SSPN: variants seen among roughly 807,000 people sequenced by gnomAD.
SSPN encodes the protein K-ras oncogene-associated protein.
SSPN carries 15 observed loss-of-function variants against 19.1 expected under a neutral mutation model. The ratio of observed to expected loss-of-function variants is 0.78; its 90% CI spans 0.52 to 1.21. SSPN has a LOEUF of 1.21. SSPN is among the 50% of genes most tolerant of loss of function. The probability of loss-of-function intolerance (pLI) is 0.00; values close to 1 mark genes in which losing one functional copy is unlikely to be tolerated. For missense variants in SSPN, 291 were observed against 314.0 expected (o/e 0.93, Z 0.55); for synonymous variants, 147 against 140.3 (o/e 1.05, Z -0.34).
At chr12:26,155,797 T>C (rs1375068291) in intron 1 of SSPN, among the ~76,000 whole-genome samples, 7 of 152,180 alleles carry the variant, frequency 4.6e-5, no homozygotes, top group African/African-American at 7.2e-5. Flanking sequence ...CCAGGTACCA[T>C]TGCATTGTTA....
At chr12:26,222,334 G>A (rs1945130495) in intron 1 of SSPN, among the ~76,000 whole-genome samples, 1 of 152,200 alleles carries the variant, frequency 6.6e-6, no homozygotes, top group Non-Finnish European at 1.5e-5. Context: ...GTGGATGAGG[G>A]CATAGGCAGC....
rs1411027081 is a variant in SSPN at position 26,124,389 on chromosome 12, CCACTTAAAATT to C, written c.-31+2241_-31+2251del. 3 of 1,045,304 alleles carry C rather than the reference CCACTTAAAATT, an allele frequency of 2.9e-6. No individual in the cohort carries two copies. The African/African-American group carries it at 4.8e-5, about 17-fold the overall frequency. The allele number at this position is 1,045,304 out of a possible 1,614,324, so 64.8% of individuals were successfully genotyped here. ...TATCCCCCTGAGAGTACCCAGCAAG[CCACTTAAAATT>C]CACAGTTGGGGAAGCTCAGGGGCTG... On this transcript the variant is annotated intron_variant, in intron 1 of 2. Transcript: ENST00000538142.
At chr12:26,210,573 T>A (rs1944974948) in intron 1 of SSPN, among the ~76,000 whole-genome samples, 1 of 152,040 alleles carries the variant, frequency 6.6e-6, no homozygotes, top group Non-Finnish European at 1.5e-5. Flanking sequence ...AATAGCCAGG[T>A]TTTGGTTTAT....
chr12:26,195,752 T>C lies in SSPN; in HGVS notation c.80T>C (p.Met27Thr), dbSNP rs771249947. 2.1e-5 allele frequency: 31 copies of C among 1,477,726 alleles called. 1 individual carries two copies. In the South Asian group the frequency reaches 3.8e-4, roughly 18 times the overall value. 91.5% of individuals were successfully genotyped at this position (1,477,726 alleles called of 1,614,324 possible). Reference protein sequence around the residue: ...PAADAAGPDDMEPKKGTGAPK... With the variant: ...PAADAAGPDDTEPKKGTGAPK... ...GCGGACGCCGCTGGGCCCGACGACATGGAGCCGAAGAAGGGCACGGGGGCC... is the reference window on the plus strand; with the variant it reads ...GCGGACGCCGCTGGGCCCGACGACACGGAGCCGAAGAAGGGCACGGGGGCC... The change falls in exon 1 of 3, where the codon ATG becomes ACG. Residue 27 changes from methionine to threonine, a missense_variant. Physicochemically the swap from Met to Thr is moderately conservative, Grantham distance 81. Coordinates refer to ENST00000242729, the MANE Select transcript of SSPN (RefSeq NM_005086.5).
At position 26,141,153 on chromosome 12, in the gene SSPN, T is replaced by C. The variant is rs187912373; in HGVS notation, c.-31+19001T>C. Reference sequence around the variant, plus strand: ...TTGGAAAGGAGAGATTATCCAGGATTATCCAGGTGGGAACAATGTAGTCAA... The same window carrying C: ...TTGGAAAGGAGAGATTATCCAGGATCATCCAGGTGGGAACAATGTAGTCAA... On this transcript the variant is annotated intron_variant, in intron 1 of 2. Transcript: ENST00000538142. Among the ~76,000 whole-genome samples the C allele has an allele frequency of 4.5e-4, 69 of 152,310 alleles. No individual in the cohort carries two copies. The East Asian group carries it at 0.012, about 26-fold the overall frequency.
chr12:26,178,720 T>G (rs1944700152), intron 1 of SSPN, among the ~76,000 whole-genome samples: 1 of 152,210 alleles, frequency 6.6e-6, no homozygotes, highest in African/African-American at 2.4e-5. Flanking sequence ...TATGCCCTTG[T>G]GGTCACAGCA....
At chr12:26,206,337 C>G (rs1315541087) in intron 1 of SSPN, among the ~76,000 whole-genome samples, 1 of 152,090 alleles carries the variant, frequency 6.6e-6, no homozygotes, top group African/African-American at 2.4e-5. Flanking sequence ...AAAGTACTCT[C>G]AATTAGAAAA....
At chr12:26,219,262 A>G (rs1367899541) in intron 1 of SSPN, among the ~76,000 whole-genome samples, 2 of 152,270 alleles carry the variant, frequency 1.3e-5, no homozygotes, top group African/African-American at 2.4e-5. Flanking sequence ...GTAAATACCA[A>G]TAATTCTCAT....
chr12:26,122,616 G>C, intron 1 of SSPN: 1 of 1,154,426 alleles, frequency 8.7e-7, no homozygotes, highest in East Asian at 4.2e-5. Context: ...CGCGGCTGCC[G>C]CCGCCGCCGC....
Position 26,232,053 on chromosome 12 carries a change from C to T in SSPN, c.*977C>T. The stretch of plus-strand genomic sequence containing the variant: ...CTCAGGTTAAAAACACCCATTTAAA[C>T]AAAAACAAGAGCATTTGTAATAGGA... On this transcript the variant is annotated 3_prime_UTR_variant, in exon 3 of 3. Transcript: ENST00000242729. 1 of 985,234 alleles carries T rather than the reference C, an allele frequency of 1.0e-6. No homozygotes were observed. The highest frequency in any genetic ancestry group is 1.2e-6 in the Non-Finnish European group (1 of 829,870). The allele number at this position is 985,234 out of a possible 1,614,324, so 61.0% of individuals were successfully genotyped here. A position where few individuals can be genotyped will look rare whatever the true frequency, so the allele number is the denominator to read the frequency against.
chr12:26,124,105 C>T, intron 1 of SSPN: 1 of 1,612,662 alleles, frequency 6.2e-7, no homozygotes, highest in Non-Finnish European at 8.5e-7. Context: ...GTAAATCTTT[C>T]AGCTGAGCAA....
chr12:26,199,079 C>G (rs900932931), intron 1 of SSPN, among the ~76,000 whole-genome samples: 2 of 152,208 alleles, frequency 1.3e-5, no homozygotes, highest in Admixed American at 1.3e-4. Flanking sequence ...CTTCATTTTA[C>G]AGGGGCCACT....
intron 1 of SSPN, among the ~76,000 whole-genome samples, chr12:26,133,793 G>A (rs1046740589): frequency 1.3e-5 from 2 of 152,186 alleles, no homozygotes; most frequent in African/African-American, 4.8e-5. Context: ...CCTCTCAAAG[G>A]CAGAATCTAA....
intron 2 of SSPN, 35 bp from the exon 3 acceptor site, chr12:26,230,676 T>C (rs369046148): frequency 6.4e-7 from 1 of 1,562,754 alleles, no homozygotes; most frequent in African/African-American, 1.4e-5. Flanking sequence ...CAATGTTCTT[T>C]GTAACCAGAA....
intron 1 of SSPN, among the ~76,000 whole-genome samples, chr12:26,177,488 G>A (rs1025724173): frequency 7.9e-5 from 12 of 152,204 alleles, no homozygotes; most frequent in East Asian, 1.9e-4. Flanking sequence ...TGAAGGTGGC[G>A]GAAGTTCCCC....
intron 1 of SSPN, among the ~76,000 whole-genome samples, chr12:26,176,680 G>T (rs537287753): frequency 1.3e-5 from 2 of 152,296 alleles, no homozygotes; most frequent in South Asian, 4.1e-4. Flanking sequence ...ACATGTTCTA[G>T]ATATTCTTTG....
At chr12:26,197,085 T>C (rs1325928785) in intron 1 of SSPN, among the ~76,000 whole-genome samples, 1 of 152,212 alleles carries the variant, frequency 6.6e-6, no homozygotes, top group Non-Finnish European at 1.5e-5. Flanking sequence ...GCCCAGAGAT[T>C]GAATGTGGTC....
At chr12:26,193,700 C>G (rs1242407624), upstream of SSPN, among the ~76,000 whole-genome samples, 1 of 152,170 alleles carries the variant, frequency 6.6e-6, no homozygotes, top group Non-Finnish European at 1.5e-5. Context: ...CAAAGCTGAC[C>G]ATAAACTTGC....
chr12:26,195,707 G>C lies in SSPN; in HGVS notation c.35G>C (p.Arg12Thr), dbSNP rs1399627974. Residue 12 changes from arginine to threonine, a missense_variant, in exon 1 of 3, where the codon AGG becomes ACG. Arg to Thr is a moderately conservative substitution (Grantham distance 71). Coordinates refer to ENST00000242729, the MANE Select transcript of SSPN (RefSeq NM_005086.5). ...GKNKQPRGQQRQGGPPAADAA... is the reference protein window; with the variant it reads ...GKNKQPRGQQTQGGPPAADAA... Reference sequence around the variant, plus strand: ...AACAAGCAGCCACGCGGCCAGCAGAGGCAGGGGGGCCCGCCGGCCGCGGAC... The same window carrying C: ...AACAAGCAGCCACGCGGCCAGCAGACGCAGGGGGGCCCGCCGGCCGCGGAC... The C allele has an allele frequency of 2.6e-6, 3 of 1,169,860 alleles. No homozygotes were observed. Among genetic ancestry groups the C allele is most frequent in the East Asian group, 2.2e-4 (2 of 9,052 alleles). 72.5% of individuals were successfully genotyped at this position (1,169,860 alleles called of 1,614,324 possible).
Sources: allele counts gnomAD v4.1 joint callset (sites outside exome capture counted in the v4.1 genomes callset), GRCh38; gene constraint gnomAD v4.1.1; transcripts MANE v1.5; gene names NCBI Gene and HGNC (gene_info 2026-07-23, HGNC 2026-07-21).